The following KCTD1 variants were observed in gnomAD, a reference collection of about 807,000 sequenced individuals.
The protein encoded by KCTD1 is BTB/POZ domain-containing protein KCTD1.
KCTD1 carries 24 observed loss-of-function variants against 66.0 expected under a neutral mutation model. That is an observed-to-expected ratio of 0.36 (90% CI 0.26 to 0.51). The LOEUF is 0.51. Among genes scored for constraint, KCTD1 ranks in the 20% least tolerant of loss-of-function variants. The pLI, the probability that KCTD1 is intolerant of heterozygous loss-of-function variation, is 0.95. For missense variants in KCTD1, 943 were observed against 1,205.2 expected, an observed-to-expected ratio of 0.78 and a Z score of 3.22; for synonymous variants, 511 against 517.2, an observed-to-expected ratio of 0.99 and a Z score of 0.16.
intron 1 of KCTD1, among the ~76,000 whole-genome samples, chr18:26,599,068 C>A (rs887752058): frequency 2.0e-5 from 3 of 152,112 alleles, no homozygotes; most frequent in African/African-American, 7.2e-5. Flanking sequence ...ATACTATTGA[C>A]AAATCCAAGA....
At chr18:26,462,353 C>T (rs1353582204) in intron 3 of KCTD1, among the ~76,000 whole-genome samples, 4 of 152,220 alleles carry the variant, frequency 2.6e-5, no homozygotes, top group Non-Finnish European at 2.9e-5. Flanking sequence ...ATGGGCCTAG[C>T]GCTGAACTGC....
At chr18:26,586,784 G>A (rs1017274302) in intron 1 of KCTD1, among the ~76,000 whole-genome samples, 3 of 103,398 alleles carry the variant, frequency 2.9e-5, no homozygotes, top group Non-Finnish European at 6.4e-5. Flanking sequence ...TTAAGCCAAA[G>A]CCTAATCCAA....
intron 1 of KCTD1, among the ~76,000 whole-genome samples, chr18:26,615,829 T>C (rs1255839888): frequency 6.6e-6 from 1 of 152,194 alleles, no homozygotes; most frequent in African/African-American, 2.4e-5. Context: ...TTGCTGTTGT[T>C]GCCCAGGCTG....
chr18:26,550,334 A>ATT (rs879259595), upstream of KCTD1, among the ~76,000 whole-genome samples: 2 of 145,092 alleles, frequency 1.4e-5, no homozygotes, highest in African/African-American at 2.5e-5. The surrounding 1 kb of genome is among the most constrained non-coding windows in gnomAD (Gnocchi z 5.4). Context: ...ATCAATTTGC[A>ATT]TTTTTTTTTT....
chr18:26,475,304 T>C (rs1357748544), intron 3 of KCTD1, among the ~76,000 whole-genome samples: 1 of 152,238 alleles, frequency 6.6e-6, no homozygotes, highest in Non-Finnish European at 1.5e-5. Context: ...AAAAATCTAT[T>C]ACTTAAGTGG....
At chr18:26,647,451 C>T (rs1393606209) in intron 1 of KCTD1, among the ~76,000 whole-genome samples, 1 of 131,228 alleles carries the variant, frequency 7.6e-6, no homozygotes, top group East Asian at 2.4e-4. Flanking sequence ...ACCCAGGCAG[C>T]GGAGGTTGCG....
chr18:26,458,551 C>CTGTT (rs1258251336), intron 4 of KCTD1: 1 of 152,388 alleles, frequency 6.6e-6, no homozygotes, highest in East Asian at 1.9e-4. Context: ...CAGTGCTTAC[C>CTGTT]TGTTAGGGTT....
chr18:26,521,470 T>C (rs764001561), intron 1 of KCTD1, among the ~76,000 whole-genome samples: 11 of 152,192 alleles, frequency 7.2e-5, no homozygotes, highest in Non-Finnish European at 1.2e-4. Flanking sequence ...CTTTTATAAA[T>C]GGAGAAAAGA....
At chr18:26,531,070 A>G (rs537745756) in intron 1 of KCTD1, among the ~76,000 whole-genome samples, 6 of 152,262 alleles carry the variant, frequency 3.9e-5, no homozygotes, top group Non-Finnish European at 8.8e-5. Flanking sequence ...TTTGAGGAAT[A>G]CACTTTATTT....
chr18:26,650,694 A>T (rs896022951), intron 1 of KCTD1, among the ~76,000 whole-genome samples: 3 of 152,324 alleles, frequency 2.0e-5, no homozygotes, highest in South Asian at 2.1e-4. Context: ...ACCATGGACC[A>T]ATGTAGCTTT....
At chr18:26,620,567 G>T (rs1428171684) in intron 1 of KCTD1, among the ~76,000 whole-genome samples, 1 of 150,600 alleles carries the variant, frequency 6.6e-6, no homozygotes, top group Non-Finnish European at 1.5e-5. Context: ...CTCCTGAGTA[G>T]CTGGGACTAA....
intron 3 of KCTD1, among the ~76,000 whole-genome samples, chr18:26,462,181 C>T (rs1980469580): frequency 6.6e-6 from 1 of 152,238 alleles, no homozygotes; most frequent in African/African-American, 2.4e-5. Context: ...CATAATGTTG[C>T]TCCAATTCAT....
chr18:26,535,061 G>C (rs1048201724), intron 1 of KCTD1, among the ~76,000 whole-genome samples: 1 of 136,312 alleles, frequency 7.3e-6, no homozygotes, highest in Admixed American at 8.3e-5. Flanking sequence ...TTCTGGCTGG[G>C]CAAGAGCTCC....
chr18:26,617,857 G>A (rs768827549), intron 1 of KCTD1, among the ~76,000 whole-genome samples: 3 of 17,886 alleles, frequency 1.7e-4, no homozygotes, highest in Admixed American at 4.3e-4. Flanking sequence ...GGAAGGGAGG[G>A]AGGGAGGGAG....
chr18:26,554,568 A>G (rs1199183947), intron 1 of KCTD1, among the ~76,000 whole-genome samples: 2 of 152,226 alleles, frequency 1.3e-5, no homozygotes, highest in Admixed American at 1.3e-4. Context: ...GGCACTTTCT[A>G]TTGAAATCCT....
At chr18:26,593,312 AGAG>A (rs1986654976) in intron 1 of KCTD1, among the ~76,000 whole-genome samples, 1 of 125,628 alleles carries the variant, frequency 8.0e-6, no homozygotes, top group Non-Finnish European at 1.7e-5. Context: ...AGGAGAAGGA[AGAG>A]GAGGAGGAAG....
intron 1 of KCTD1, among the ~76,000 whole-genome samples, chr18:26,619,275 C>T (rs1196003184): frequency 6.6e-6 from 1 of 152,140 alleles, no homozygotes; most frequent in Non-Finnish European, 1.5e-5. Flanking sequence ...ATGATGATCT[C>T]AAAGTATTGC....
At chr18:26,578,802 GC>G (rs1986287641) in intron 1 of KCTD1, among the ~76,000 whole-genome samples, 1 of 152,188 alleles carries the variant, frequency 6.6e-6, no homozygotes, top group Non-Finnish European at 1.5e-5. Flanking sequence ...TACAGTGGAT[GC>G]CTTACCCCTT....
chr18:26,567,729 C>T (rs1448219758), intron 1 of KCTD1, among the ~76,000 whole-genome samples: 8 of 151,978 alleles, frequency 5.3e-5, no homozygotes, highest in Admixed American at 3.3e-4. Flanking sequence ...CTTCATGATC[C>T]GCCTGCCTCA....
Sources: allele counts gnomAD v4.1 joint callset (sites outside exome capture counted in the v4.1 genomes callset), GRCh38; gene constraint gnomAD v4.1.1; non-coding constraint Gnocchi (gnomAD v3.1); transcripts MANE v1.5; gene names NCBI Gene and HGNC (gene_info 2026-07-23, HGNC 2026-07-21).